Variants in C2CD3 observed in about 807,000 individuals in gnomAD.
The protein encoded by C2CD3 is C2 domain-containing protein 3.
A neutral mutation model predicts 234.0 loss-of-function variants in C2CD3; 148 were observed. The observed-to-expected ratio is 0.63, with a 90% CI of 0.55 to 0.72. The LOEUF (loss-of-function observed/expected upper bound fraction) is 0.72, where lower values mean the gene tolerates loss of function less well. Among genes scored for constraint, C2CD3 ranks in the 30% least tolerant of loss-of-function variants. The pLI is 0.00. For synonymous variants in C2CD3, 1,000 were observed against 1,035.4 expected, an observed-to-expected ratio of 0.97 and a Z score of 0.66; for missense variants, 2,577 against 2,811.5, an observed-to-expected ratio of 0.92 and a Z score of 1.89.
rs182258398 is a variant in C2CD3, at chr11:74,139,002, A to G, written c.708-35T>C. ...TAAAAAGGGAGAACATCAGCAATAT[A>G]TAATCTATTATGGTAACATTCTATT... On this transcript the variant is annotated intron_variant, in intron 4 of 32. Coordinates refer to ENST00000334126, the MANE Select transcript of C2CD3 (RefSeq NM_001286577.2). 8,012 of 1,548,316 alleles carry G rather than the reference A, an allele frequency of 5.2e-3. 43 individuals carry two copies. The highest frequency in any genetic ancestry group is 6.4e-3 in the Non-Finnish European group (7,222 of 1,132,192).
chr11:74,165,899 A>G (rs1175581219), intron 2 of C2CD3, among the ~76,000 whole-genome samples: 1 of 152,110 alleles, frequency 6.6e-6, no homozygotes, highest in Non-Finnish European at 1.5e-5. Context: ...ACAGGGTTTT[A>G]CCCAGGCTGG....
At chr11:74,074,652 G>C in intron 23 of C2CD3, 52 bp from the exon 24 acceptor site, 1 of 1,438,294 alleles carries the variant, frequency 7.0e-7, no homozygotes, top group Non-Finnish European at 9.5e-7. Flanking sequence ...CCAAGACCAA[G>C]CTTGGAGGAA....
At chr11:74,162,645 GAAC>G (rs1447088387) in intron 2 of C2CD3, among the ~76,000 whole-genome samples, 1 of 152,074 alleles carries the variant, frequency 6.6e-6, no homozygotes, top group Non-Finnish European at 1.5e-5. Context: ...AAGATTCACA[GAAC>G]AACAACAAAT....
intron 3 of C2CD3, among the ~76,000 whole-genome samples, chr11:74,156,456 T>C (rs1477127609): frequency 9.5e-5 from 10 of 105,402 alleles, no homozygotes; most frequent in African/African-American, 4.4e-4. Context: ...TAAGACCCTA[T>C]CTCAAAAAAA....
intron 3 of C2CD3, among the ~76,000 whole-genome samples, chr11:74,146,902 A>G (rs1190325435): frequency 2.0e-5 from 3 of 151,792 alleles, no homozygotes; most frequent in Admixed American, 6.6e-5. Flanking sequence ...AAAATACAAA[A>G]ATTAGATGGG....
chr11:74,033,931 T>G lies in C2CD3; in HGVS notation c.6229A>C (p.Ile2077Leu), dbSNP rs1952618150. ...CTAGTTTTGTCTGTCACCGTGGTGA[T>G]CTCATTTAAGGTCCTGGGCTCAATG... ...DIIEPRTLNEITTVTDKTSPW... is the reference protein window; with the variant it reads ...DIIEPRTLNELTTVTDKTSPW... Residue 2077 changes from isoleucine to leucine, a missense_variant, in exon 31 of 33, where the codon ATC becomes CTC. Transcript: ENST00000334126. The G allele has an allele frequency of 1.3e-6, 2 of 1,536,306 alleles. No individual in the cohort carries two copies. The highest frequency in any genetic ancestry group is 1.7e-6 in the Non-Finnish European group (2 of 1,146,934).
At chr11:74,153,658 A>G (rs966205427) in intron 3 of C2CD3, among the ~76,000 whole-genome samples, 2 of 152,206 alleles carry the variant, frequency 1.3e-5, no homozygotes, top group South Asian at 2.1e-4. Flanking sequence ...CAAAAATCCC[A>G]GCAGATATTT....
Position 74,034,511 on chromosome 11 carries a change from G to C in C2CD3, c.5882-233C>G, listed in dbSNP as rs1253243996. On this transcript the variant is annotated intron_variant, in intron 30 of 32. Coordinates refer to ENST00000334126, the MANE Select transcript of C2CD3 (RefSeq NM_001286577.2). ...AATCTATAGTTGTGGATACATCTGT[G>C]GAAATGCTTTCAGAGACTATCTGCT... The C allele has an allele frequency of 3.1e-6, 5 of 1,604,298 alleles. No homozygotes were observed. In the African/African-American group the frequency reaches 6.7e-5, roughly 22 times the overall value.
intron 26 of C2CD3, among the ~76,000 whole-genome samples, chr11:74,053,693 G>A (rs778851719): frequency 9.2e-5 from 14 of 152,202 alleles, no homozygotes; most frequent in Non-Finnish European, 1.9e-4. Flanking sequence ...CAAACGTGGG[G>A]GGAAGCCACT....
rs1289439833 is a variant in C2CD3, at chr11:74,084,217, C to T, written c.4000+664G>A. 2.0e-5 allele frequency among the ~76,000 whole-genome samples: 3 copies of T among 152,162 alleles called. No individual in the cohort carries two copies. The South Asian group carries it at 6.2e-4, about 32-fold the overall frequency. ...GACAGAAAACTAGACACCGCATGTTCTTACTCATAGGTGGGAACTGAACAA... is the reference window on the plus strand; with the variant it reads ...GACAGAAAACTAGACACCGCATGTTTTTACTCATAGGTGGGAACTGAACAA... On this transcript the variant is annotated intron_variant, in intron 22 of 32. Coordinates refer to ENST00000334126, the MANE Select transcript of C2CD3 (RefSeq NM_001286577.2).
intron 20 of C2CD3, among the ~76,000 whole-genome samples, chr11:74,086,131 T>TG (rs1955631502): frequency 6.6e-6 from 1 of 152,220 alleles, no homozygotes; most frequent in South Asian, 2.1e-4. Flanking sequence ...GATGACCCAC[T>TG]GTCCTGTCAA....
Position 74,100,505 on chromosome 11 carries a change from C to A in C2CD3, c.2732+20G>T. The stretch of plus-strand genomic sequence containing the variant: ...AGTTAAAGATGCACAATAAAGAATA[C>A]TCCAAAAGGTCCTATTTACTTGAAT... On this transcript the variant is annotated intron_variant, in intron 15 of 32. Coordinates refer to ENST00000334126, the MANE Select transcript of C2CD3 (RefSeq NM_001286577.2). 2 of 1,593,382 alleles carry A rather than the reference C, an allele frequency of 1.3e-6. No homozygotes were observed. The highest frequency in any genetic ancestry group is 1.7e-6 in the Non-Finnish European group (2 of 1,172,680).
intron 29 of C2CD3, among the ~76,000 whole-genome samples, chr11:74,039,329 G>A (rs1366175488): frequency 1.3e-5 from 2 of 152,184 alleles, no homozygotes; most frequent in Admixed American, 1.3e-4. Flanking sequence ...TGATTCAAAT[G>A]CAGCACTGTT....
intron 24 of C2CD3, among the ~76,000 whole-genome samples, chr11:74,071,739 T>C (rs1254086679): frequency 6.6e-6 from 1 of 152,168 alleles, no homozygotes; most frequent in Non-Finnish European, 1.5e-5. Flanking sequence ...CCTGATATAT[T>C]CCTATGAGCA....
chr11:74,110,964 A>T (rs989023532), intron 11 of C2CD3, among the ~76,000 whole-genome samples: 11 of 152,228 alleles, frequency 7.2e-5, no homozygotes, highest in Admixed American at 2.6e-4. Flanking sequence ...TCTTTGCTCA[A>T]TGCTTATTCC....
intron 20 of C2CD3, among the ~76,000 whole-genome samples, chr11:74,089,277 G>A (rs1292006087): frequency 6.6e-6 from 1 of 152,058 alleles, no homozygotes; most frequent in East Asian, 1.9e-4. Flanking sequence ...TAACAAATCT[G>A]CACATGTACC....
intron 2 of C2CD3, among the ~76,000 whole-genome samples, chr11:74,165,786 C>T (rs1348597598): frequency 6.6e-6 from 1 of 152,104 alleles, no homozygotes; most frequent in Non-Finnish European, 1.5e-5. Flanking sequence ...TCCCAAGTAG[C>T]TGGGACTACA....
At chr11:74,043,464 T>C (rs1953179856) in intron 28 of C2CD3, among the ~76,000 whole-genome samples, 1 of 152,204 alleles carries the variant, frequency 6.6e-6, no homozygotes, top group Admixed American at 6.5e-5. Context: ...AGTTTTTGTG[T>C]GGACATTTGT....
In C2CD3 at chr11:74,121,706, A is replaced by T. The variant is rs558440625; in HGVS notation, c.1365+1282T>A. Among the ~76,000 whole-genome samples the T allele has an allele frequency of 8.6e-4, 131 of 151,950 alleles. 1 individual carries two copies. Among genetic ancestry groups the T allele is most frequent in the African/African-American group, 3.1e-3 (127 of 41,426 alleles). Reference sequence around the variant, plus strand: ...CAGCCATAAAAACACAAAACAAACAACCCCCCCAAGTATTTAATAAATGAC... The same window carrying T: ...CAGCCATAAAAACACAAAACAAACATCCCCCCCAAGTATTTAATAAATGAC... On this transcript the variant is annotated intron_variant, in intron 8 of 32. Transcript: ENST00000334126.
Sources: gnomAD v4.1 joint callset for allele counts (sites outside exome capture counted in the v4.1 genomes callset) on GRCh38, gnomAD v4.1.1 for gene constraint, MANE v1.5 for transcripts, NCBI Gene and HGNC (gene_info 2026-07-23, HGNC 2026-07-21) for gene names.